ZNF395: variants seen among roughly 807,000 people sequenced by gnomAD.
ZNF395 encodes the protein HD gene regulatory region-binding protein 2.
A neutral mutation model predicts 57.7 loss-of-function variants in ZNF395; 20 were observed. The ratio of observed to expected loss-of-function variants is 0.35; its 90% CI spans 0.24 to 0.50. The LOEUF (loss-of-function observed/expected upper bound fraction) is 0.50. Among genes scored for constraint, ZNF395 ranks in the 20% least tolerant of loss-of-function variants. The probability of loss-of-function intolerance (pLI) is 0.97; values close to 1 mark genes in which losing one functional copy is unlikely to be tolerated. For missense variants in ZNF395, 606 were observed against 671.2 expected, an observed-to-expected ratio of 0.90 and a Z score of 1.07; for synonymous variants, 295 against 275.9, an observed-to-expected ratio of 1.07 and a Z score of -0.69.
At chr8:28,367,652 C>T (rs1258931824) in intron 1 of ZNF395, among the ~76,000 whole-genome samples, 3 of 152,180 alleles carry the variant, frequency 2.0e-5, no homozygotes, top group African/African-American at 7.2e-5. Flanking sequence ...CCTTTGTTCA[C>T]GACTCTCTGG....
chr8:28,360,985 G>GT lies in ZNF395; in HGVS notation c.139dup (p.Thr47AsnfsTer4). 1 of 1,612,738 alleles carries GT rather than the reference G, an allele frequency of 6.2e-7. No individual in the cohort carries two copies. Among genetic ancestry groups the GT allele is most frequent in the Non-Finnish European group, 8.5e-7 (1 of 1,179,290 alleles). ...CTGGCAGGGGGTGTCATCAGAGGTG[G>GT]TGAAAGGCTGGGGAGCGGCCCCTTC... On this transcript the variant is annotated frameshift_variant, in exon 2 of 10. Transcript: ENST00000344423. LOFTEE classifies it high-confidence loss of function.
intron 9 of ZNF395, 127 bp downstream of exon 9, chr8:28,348,998 G>A (rs1801643934): frequency 1.7e-6 from 2 of 1,160,350 alleles, no homozygotes; most frequent in Non-Finnish European, 1.2e-6. Context: ...CCCATCTGGT[G>A]CATCCGCCAT....
chr8:28,353,893 G>C (rs1306470511), intron 4 of ZNF395, among the ~76,000 whole-genome samples: 5 of 152,256 alleles, frequency 3.3e-5, no homozygotes, highest in Admixed American at 2.0e-4. Flanking sequence ...TTTTCCTACA[G>C]CTGACGCCAA....
chr8:28,346,914 G>A lies in ZNF395; in HGVS notation c.*1805C>T, dbSNP rs1801609912. The A allele has an allele frequency of 6.6e-6, 1 of 151,770 alleles. No individual in the cohort carries two copies. Among genetic ancestry groups the A allele is most frequent in the Admixed American group, 6.6e-5 (1 of 15,260 alleles). The allele number at this position is 151,770 out of a possible 1,614,324, so 9.4% of individuals were successfully genotyped here. A position where few individuals can be genotyped will look rare whatever the true frequency, so the allele number is the denominator to read the frequency against. On this transcript the variant is annotated 3_prime_UTR_variant, in exon 10 of 10. Coordinates refer to ENST00000344423, the MANE Select transcript of ZNF395 (RefSeq NM_018660.3). ...CCACCTCAGGCTAGCCTGGCTTTGA[G>A]CTTTACCAAGAGACAGAATTCCACA...
chr8:28,352,688 G>C lies in ZNF395; in HGVS notation c.820-15C>G. 1 of 1,607,026 alleles carries C rather than the reference G, an allele frequency of 6.2e-7. No individual in the cohort carries two copies. Among genetic ancestry groups the C allele is most frequent in the Non-Finnish European group, 8.5e-7 (1 of 1,173,632 alleles). ...TTCACAGAGTTCTACAGGAAAGGAA[G>C]ACAGGGTGAGTGGATATGTCTTTCT... On this transcript the variant is annotated splice_polypyrimidine_tract_variant and intron_variant, in intron 5 of 9. Coordinates refer to ENST00000344423, the MANE Select transcript of ZNF395 (RefSeq NM_018660.3). This position sits in a 1 kb window ranked among gnomAD's most constrained non-coding sequence, Gnocchi z 4.0.
chr8:28,384,713 A>G (rs1802150642), intron 1 of ZNF395, among the ~76,000 whole-genome samples: 1 of 152,202 alleles, frequency 6.6e-6, no homozygotes, highest in South Asian at 2.1e-4. Context: ...CCACAGGCAT[A>G]ATTTACTTCA....
Position 28,359,876 on chromosome 8 carries a change from TGAAG to T in ZNF395, c.241-56_241-53del, listed in dbSNP as rs1801828072. 2 of 1,574,170 alleles carry T rather than the reference TGAAG, an allele frequency of 1.3e-6. No individual in the cohort carries two copies. The highest frequency in any genetic ancestry group is 1.7e-4 in the Middle Eastern group (1 of 5,902). On this transcript the variant is annotated intron_variant, in intron 2 of 9. Transcript: ENST00000344423. The surrounding 1 kb of genome is among the most constrained non-coding windows in gnomAD (Gnocchi z 4.7). ...GGTCAGCCCTGGATGGGTCTCGCCCTGAAGTTCTCATGCACCCCACGTCCCAGGA... is the reference window on the plus strand; with the variant it reads ...GGTCAGCCCTGGATGGGTCTCGCCCTTTCTCATGCACCCCACGTCCCAGGA...
At chr8:28,355,487 G>A (rs1409551218) in intron 4 of ZNF395, among the ~76,000 whole-genome samples, 4 of 150,440 alleles carry the variant, frequency 2.7e-5, no homozygotes, top group Non-Finnish European at 5.9e-5. Flanking sequence ...TTGTCAGGAT[G>A]ATGGCATATC....
rs1387441576 is a variant in ZNF395 at position 28,345,814 on chromosome 8, G to A, written c.*2905C>T. On this transcript the variant is annotated 3_prime_UTR_variant, in exon 10 of 10. Transcript: ENST00000344423. ...AGTCAGAACCTGGGATGACCAGAAA[G>A]TAACAGGACAGATTTCTCCCAGCAA... 2 of 146,548 alleles carry A rather than the reference G, an allele frequency of 1.4e-5. No individual in the cohort carries two copies. Among genetic ancestry groups the A allele is most frequent in the African/African-American group, 5.1e-5 (2 of 39,232 alleles). 9.1% of individuals were successfully genotyped at this position (146,548 alleles called of 1,614,324 possible). A position where few individuals can be genotyped will look rare whatever the true frequency, so the allele number is the denominator to read the frequency against.
In ZNF395 at chr8:28,356,651, C is replaced by T. The variant is rs1455571800; in HGVS notation, c.583+19G>A. On this transcript the variant is annotated intron_variant, in intron 4 of 9. Transcript: ENST00000344423. This position sits in a 1 kb window ranked among gnomAD's most constrained non-coding sequence, Gnocchi z 4.0. ...GGCCTCTACCATGCCCAGAACCCAG[C>T]TGGGCCCCGCTTGCTCACCAGAGAA... The T allele has an allele frequency of 1.2e-6, 2 of 1,605,044 alleles. No individual in the cohort carries two copies. Among genetic ancestry groups the T allele is most frequent in the African/African-American group, 1.3e-5 (1 of 74,828 alleles).
At chr8:28,370,468 C>T (rs946875824) in intron 1 of ZNF395, among the ~76,000 whole-genome samples, 10 of 152,110 alleles carry the variant, frequency 6.6e-5, no homozygotes, top group African/African-American at 1.7e-4. Context: ...AGTTTCGAGA[C>T]GAAAGAGAGA....
At chr8:28,369,432 T>A (rs1440086081) in intron 1 of ZNF395, among the ~76,000 whole-genome samples, 1 of 152,118 alleles carries the variant, frequency 6.6e-6, no homozygotes, top group Admixed American at 6.5e-5. Context: ...AACTGCCCTC[T>A]CCTTGCGGTG....
At chr8:28,368,097 T>C (rs753855512) in intron 1 of ZNF395, among the ~76,000 whole-genome samples, 14 of 152,120 alleles carry the variant, frequency 9.2e-5, no homozygotes, top group Non-Finnish European at 1.8e-4. Flanking sequence ...TGATTTAAAC[T>C]GTTCTCAAAC....
At chr8:28,370,632 T>C (rs1801965773) in intron 1 of ZNF395, among the ~76,000 whole-genome samples, 1 of 152,128 alleles carries the variant, frequency 6.6e-6, no homozygotes, top group Admixed American at 6.6e-5. Context: ...ACAAAATAAA[T>C]GTGCATCAAT....
intron 1 of ZNF395, among the ~76,000 whole-genome samples, chr8:28,378,079 T>G (rs917777649): frequency 6.6e-6 from 1 of 152,056 alleles, no homozygotes; most frequent in African/African-American, 2.4e-5. Context: ...CTTGTCTACA[T>G]GTCAATCTGT....
At chr8:28,378,748 G>C (rs10093577) in intron 1 of ZNF395, among the ~76,000 whole-genome samples, 1 of 152,172 alleles carries the variant, frequency 6.6e-6, no homozygotes, top group African/African-American at 2.4e-5. Flanking sequence ...AATTGGAAGA[G>C]ACTTTGGAGG....
intron 8 of ZNF395, 94 bp downstream of exon 8, chr8:28,349,970 C>T (rs747325239): frequency 1.9e-5 from 22 of 1,179,296 alleles, no homozygotes; most frequent in African/African-American, 9.5e-5. Context: ...CCTGTGGCCA[C>T]GTGCCCCGTG....
chr8:28,349,718 C>A (rs1801654337), intron 8 of ZNF395, among the ~76,000 whole-genome samples: 1 of 152,238 alleles, frequency 6.6e-6, no homozygotes, highest in Non-Finnish European at 1.5e-5. Context: ...CATTCTCCCC[C>A]TTCCTCTCCT....
At chr8:28,372,372 C>T (rs534682825) in intron 1 of ZNF395, among the ~76,000 whole-genome samples, 1 of 152,180 alleles carries the variant, frequency 6.6e-6, no homozygotes, top group Non-Finnish European at 1.5e-5. Flanking sequence ...AAAGTAGACA[C>T]CAAATCCCGG....
Sources: allele counts gnomAD v4.1 joint callset (sites outside exome capture counted in the v4.1 genomes callset), GRCh38; gene constraint gnomAD v4.1.1; non-coding constraint Gnocchi (gnomAD v3.1); transcripts MANE v1.5; gene names NCBI Gene and HGNC (gene_info 2026-07-23, HGNC 2026-07-21).